The following DIS3L2 variants were observed in gnomAD, a reference collection of about 807,000 sequenced individuals.
DIS3L2 encodes DIS3-like exonuclease 2.
In DIS3L2, 34 loss-of-function variants were observed where a neutral mutation model predicts 97.5. The ratio of observed to expected loss-of-function variants is 0.35; its 90% CI spans 0.27 to 0.46. The LOEUF is 0.46. Ranked by LOEUF, DIS3L2 falls within the 20% of genes least tolerant of loss-of-function variation. The probability of loss-of-function intolerance (pLI) is 1.00; values close to 1 mark genes in which losing one functional copy is unlikely to be tolerated. For synonymous variants in DIS3L2, 435 were observed against 445.2 expected, an observed-to-expected ratio of 0.98 and a Z score of 0.29; for missense variants, 1,038 against 1,146.0, an observed-to-expected ratio of 0.91 and a Z score of 1.36.
chr2:232,314,568 T>A (rs1695218818), intron 14 of DIS3L2, among the ~76,000 whole-genome samples: 1 of 152,040 alleles, frequency 6.6e-6, no homozygotes, highest in Admixed American at 6.5e-5. Flanking sequence ...GACAGAAAAT[T>A]CTAGAACACC....
At chr2:232,118,529 T>G (rs1371292445) in intron 6 of DIS3L2, among the ~76,000 whole-genome samples, 1 of 152,256 alleles carries the variant, frequency 6.6e-6, no homozygotes, top group South Asian at 2.1e-4. Flanking sequence ...TTTGCTCATC[T>G]TTAATCATCC....
intron 9 of DIS3L2, among the ~76,000 whole-genome samples, chr2:232,205,657 T>G (rs76683294): frequency 0.023 from 3,477 of 152,170 alleles, 127 homozygotes; most frequent in African/African-American, 0.079. Flanking sequence ...GTAGGAAAAT[T>G]AGGCACAGCC....
chr2:232,205,722 AGTTAGG>A (rs1692011330), intron 9 of DIS3L2, among the ~76,000 whole-genome samples: 6 of 152,314 alleles, frequency 3.9e-5, no homozygotes, highest in African/African-American at 1.4e-4. Flanking sequence ...CCTAGAGGCA[AGTTAGG>A]AAGGTTTTCT....
chr2:232,329,787 C>CCGGGGGGCA, intron 14 of DIS3L2, 26 bp from the exon 15 acceptor site: 2 of 1,062,202 alleles, frequency 1.9e-6, no homozygotes, highest in Non-Finnish European at 2.6e-6. Context: ...CCCAGCGGTC[C>CCGGGGGGCA]CTCCCATCCC....
At chr2:232,058,611 C>T (rs952616256) in intron 5 of DIS3L2, among the ~76,000 whole-genome samples, 2 of 152,192 alleles carry the variant, frequency 1.3e-5, no homozygotes, top group African/African-American at 2.4e-5. Context: ...CTGTTTACCA[C>T]ACATGGCTTC....
intron 6 of DIS3L2, among the ~76,000 whole-genome samples, chr2:232,091,789 C>T (rs924841482): frequency 6.6e-6 from 1 of 152,166 alleles, no homozygotes; most frequent in African/African-American, 2.4e-5. Flanking sequence ...GTTCCCTTTT[C>T]TCCACATCCT....
At chr2:232,302,391 A>T (rs185477836) in intron 14 of DIS3L2, among the ~76,000 whole-genome samples, 17 of 125,328 alleles carry the variant, frequency 1.4e-4, no homozygotes, top group East Asian at 1.4e-3. Context: ...TATAATAATT[A>T]AAAAAAAAAG....
intron 3 of DIS3L2, among the ~76,000 whole-genome samples, chr2:232,022,439 C>A (rs1694544952): frequency 6.6e-6 from 1 of 152,162 alleles, no homozygotes; most frequent in South Asian, 2.1e-4. Flanking sequence ...CAACCTGTCT[C>A]TTTTCCCTGG....
At chr2:232,324,996 CCTGA>C (rs1695535113) in intron 14 of DIS3L2, among the ~76,000 whole-genome samples, 1 of 152,206 alleles carries the variant, frequency 6.6e-6, no homozygotes, top group Admixed American at 6.5e-5. Context: ...GCCCTGGATC[CCTGA>C]CTATCAAAAC....
rs192990824 is a variant in DIS3L2, at chr2:232,268,399, A to G, written c.1659+4959A>G. On this transcript the variant is annotated intron_variant, in intron 13 of 20. Transcript: ENST00000325385. This position sits in a 1 kb window ranked among gnomAD's most constrained non-coding sequence, Gnocchi z 4.1. ...AAGCTGCAGTGGAATGCTGTTATGTATGACCTTGACCTGTTCCAGCCTTTA... is the reference window on the plus strand; with the variant it reads ...AAGCTGCAGTGGAATGCTGTTATGTGTGACCTTGACCTGTTCCAGCCTTTA... Among the ~76,000 whole-genome samples the G allele has an allele frequency of 4.6e-5, 7 of 152,288 alleles. No homozygotes were observed. The East Asian group carries it at 1.4e-3, about 29-fold the overall frequency.
chr2:232,155,023 C>T (rs534910410), intron 8 of DIS3L2, among the ~76,000 whole-genome samples: 1 of 149,470 alleles, frequency 6.7e-6, no homozygotes, highest in African/African-American at 2.5e-5. Flanking sequence ...TGACCCCTTG[C>T]GCTTCCCAGG....
rs745307654 is a variant in DIS3L2, at chr2:232,336,580, AAGG to A, written c.2620_2622del (p.Glu874del). 31 of 1,608,880 alleles carry A rather than the reference AAGG, an allele frequency of 1.9e-5. No individual in the cohort carries two copies. Among genetic ancestry groups the A allele is most frequent in the South Asian group, 6.6e-5 (6 of 91,058 alleles). ...CACCCAGGGCCACCTGGGCCCTGAG[AAGG>A]AGGAGGAGGAGTCTGACGGTGAGCC... On this transcript the variant is annotated inframe_deletion, in exon 21 of 21. Coordinates refer to ENST00000325385, the MANE Select transcript of DIS3L2 (RefSeq NM_152383.5).
chr2:232,174,799 G>A (rs1691102382), intron 9 of DIS3L2, among the ~76,000 whole-genome samples: 1 of 151,636 alleles, frequency 6.6e-6, no homozygotes, highest in Admixed American at 6.6e-5. Context: ...TGCCTCTCTT[G>A]TCCTGATCTT....
At chr2:232,190,598 G>GAGGAAGGA (rs200286068) in intron 9 of DIS3L2, among the ~76,000 whole-genome samples, 1 of 151,974 alleles carries the variant, frequency 6.6e-6, no homozygotes, top group East Asian at 1.9e-4. Flanking sequence ...GAGAGGAAGA[G>GAGGAAGGA]AGGAAGGAAG....
chr2:232,213,083 G>A (rs1055890087), intron 10 of DIS3L2, among the ~76,000 whole-genome samples: 3 of 152,150 alleles, frequency 2.0e-5, no homozygotes, highest in African/African-American at 2.4e-5. Context: ...GATGCAGTCC[G>A]TGGAACTATA....
chr2:232,021,641 A>G (rs944980816), intron 3 of DIS3L2, among the ~76,000 whole-genome samples: 1 of 152,142 alleles, frequency 6.6e-6, no homozygotes, highest in Non-Finnish European at 1.5e-5. Context: ...GTGAACTGCT[A>G]GTCAAAATGT....
At chr2:232,029,557 G>A (rs1694748194) in intron 4 of DIS3L2, among the ~76,000 whole-genome samples, 2 of 152,036 alleles carry the variant, frequency 1.3e-5, no homozygotes, top group African/African-American at 4.8e-5. Flanking sequence ...TGAAGATCAC[G>A]TGATGAATCT....
At chr2:232,100,192 A>ATTTTTTTTTTTTTT (rs10594218) in intron 6 of DIS3L2, among the ~76,000 whole-genome samples, 1 of 112,526 alleles carries the variant, frequency 8.9e-6, no homozygotes, top group Non-Finnish European at 1.8e-5. Flanking sequence ...CCCTGCTAAT[A>ATTTTTTTTTTTTTT]TTTTTTTTTT....
intron 6 of DIS3L2, among the ~76,000 whole-genome samples, chr2:232,107,129 A>G (rs1441307910): frequency 6.6e-6 from 1 of 152,164 alleles, no homozygotes; most frequent in African/African-American, 2.4e-5. Context: ...AATTTATAGC[A>G]ATAAACGCCC....
Sources: allele counts gnomAD v4.1 joint callset (sites outside exome capture counted in the v4.1 genomes callset), GRCh38; gene constraint gnomAD v4.1.1; non-coding constraint Gnocchi (gnomAD v3.1); transcripts MANE v1.5; gene names NCBI Gene and HGNC (gene_info 2026-07-23, HGNC 2026-07-21).